Variants in TTN observed in about 807,000 individuals in gnomAD.
The protein encoded by TTN is titin.
A neutral mutation model predicts 3,223.0 loss-of-function variants in TTN; 1,525 were observed. The observed-to-expected ratio is 0.47, with a 90% CI of 0.45 to 0.49. The LOEUF is 0.49. Among genes scored for constraint, TTN ranks in the 20% least tolerant of loss-of-function variants. The pLI, the probability that TTN is intolerant of heterozygous loss-of-function variation, is 0.00. For synonymous variants in TTN, 14,094 were observed against 15,161.0 expected (o/e 0.93, Z 5.17); for missense variants, 40,786 against 43,424.0 (o/e 0.94, Z 5.40).
Position 178,570,531 on chromosome 2 carries a change from C to T in TTN, c.75601G>A (p.Val25201Ile), listed in dbSNP as rs1707800983. 1.2e-6 allele frequency: 2 copies of T among 1,613,180 alleles called. No individual in the cohort carries two copies. The highest frequency in any genetic ancestry group is 1.3e-5 in the African/African-American group (1 of 74,884). ...GERSVTVNVK[V>I]LDRPGPPEGP... is the part of the protein sequence containing the mutation. The stretch of plus-strand genomic sequence containing the variant: ...TCAGGTGGCCCTGGTCTGTCAAGAA[C>T]CTTGACATTCACAGTAACTGATCTT... The change falls in exon 326 of 363, where the codon GTT (valine) becomes ATT (isoleucine). Residue 25201 changes from valine (V) to isoleucine (I), a missense_variant. Transcript: ENST00000589042.
At position 178,547,613 on chromosome 2, in the gene TTN, C is replaced by T; in HGVS notation, c.94013G>A (p.Gly31338Asp). Reference sequence around the variant, plus strand: ...AACTATGTAATTAGTAATTTCAGTGCCTCCTCCATCTTTAGGTTCTCCCCA... The same window carrying T: ...AACTATGTAATTAGTAATTTCAGTGTCTCCTCCATCTTTAGGTTCTCCCCA... ...LSWGEPKDGG[G>D]TEITNYIVEK... The change falls in exon 339 of 363, where the codon GGC (glycine) becomes GAC (aspartate). Residue 31338 changes from glycine to aspartate, a missense_variant. Transcript: ENST00000589042. 3 of 1,613,848 alleles carry T rather than the reference C, an allele frequency of 1.9e-6. No individual in the cohort carries two copies. The South Asian group carries it at 3.3e-5, about 18-fold the overall frequency.
At position 178,580,766 on chromosome 2, in the gene TTN, T is replaced by C. The variant is rs866840755; in HGVS notation, c.66770-157A>G. 38 of 756,660 alleles carry C rather than the reference T, an allele frequency of 5.0e-5. No individual in the cohort carries two copies. In the South Asian group the frequency reaches 7.0e-4, roughly 14 times the overall value. The allele number at this position is 756,660 out of a possible 1,614,324, so 46.9% of individuals were successfully genotyped here. A position where few individuals can be genotyped will look rare whatever the true frequency, so the allele number is the denominator to read the frequency against. On this transcript the variant is annotated intron_variant, in intron 316 of 362. Coordinates refer to ENST00000589042, the MANE Select transcript of TTN (RefSeq NM_001267550.2). The stretch of plus-strand genomic sequence containing the variant: ...ACAATCCTCAAAATCATTTTTCTGT[T>C]CTGTACTAATTGTTGATCTTTCCAT...
rs375808207 is a variant in TTN at position 178,597,750 on chromosome 2, C to G, written c.57332G>C (p.Arg19111Pro). 6.2e-7 allele frequency: 1 copy of G among 1,613,164 alleles called. No individual in the cohort carries two copies. The highest frequency in any genetic ancestry group is 8.5e-7 in the Non-Finnish European group (1 of 1,179,530). Residue 19111 changes from arginine to proline, a missense_variant, in exon 294 of 363, where the codon CGA becomes CCA. Physicochemically the swap from Arg to Pro is moderately radical, Grantham distance 103 (BLOSUM62 -2). Coordinates refer to ENST00000589042, the MANE Select transcript of TTN (RefSeq NM_001267550.2). ...RIVVHAGGVI[R>P]IIAYVSGKPP... Reference sequence around the variant, plus strand: ...CTTTCCAGACACATAGGCAATGATTCGGATCACCCCTCCAGCATGGACAAC... The same window carrying G: ...CTTTCCAGACACATAGGCAATGATTGGGATCACCCCTCCAGCATGGACAAC...
chr2:178,555,229 A>G, intron 330 of TTN, 77 bp from the exon 331 acceptor site: 1 of 1,345,730 alleles, frequency 7.4e-7, no homozygotes, highest in Non-Finnish European at 1.0e-6. Context: ...ACCTTAAAGT[A>G]AGGTCATTGG....
rs1389381134 is a variant in TTN, at chr2:178,575,537, G to A, written c.70595C>T (p.Ala23532Val). The A allele has an allele frequency of 7.4e-6, 12 of 1,613,544 alleles. No homozygotes were observed. The highest frequency in any genetic ancestry group is 1.0e-5 in the Non-Finnish European group (12 of 1,179,656). Residue 23532 changes from alanine to valine, a missense_variant, in exon 326 of 363, where the codon GCA (alanine) becomes GTA (valine). By Grantham distance (64) the Ala-to-Val change is moderately conservative (BLOSUM62 0). Transcript: ENST00000589042. This position sits in a 1 kb window ranked among gnomAD's most constrained non-coding sequence, Gnocchi z 4.0. Reference sequence around the variant, plus strand: ...GTTAAGGCTGTCTGGTGGAGATGGTGCTTCAGAGGCTTTTACGGGCTCTGT... The same window carrying A: ...GTTAAGGCTGTCTGGTGGAGATGGTACTTCAGAGGCTTTTACGGGCTCTGT... ...ETTEPVKASE[A>V]PSPPDSLNIM...
In TTN at chr2:178,539,947, A is replaced by G. The variant is rs72648269; in HGVS notation, c.98118T>C (p.Leu32706=). ...AGATACCTTCTTGGTATCTTTCATC[A>G]AGTTCATAATCAGGATATTCTGGAA... The part of the protein sequence containing the change: ...TEMLEYPDYE[L]DERYQEGIFV... The change falls in exon 352 of 363, where the codon CTT becomes CTC. Residue 32706 remains leucine (L), a synonymous_variant. Transcript: ENST00000589042. 59 of 1,613,404 alleles carry G rather than the reference A, an allele frequency of 3.7e-5. No homozygotes were observed. In the African/African-American group the frequency reaches 7.1e-4, roughly 19 times the overall value.
At chr2:178,580,680 T>A in intron 316 of TTN, 71 bp from the exon 317 acceptor site, 1 of 1,397,334 alleles carries the variant, frequency 7.2e-7, no homozygotes, top group Non-Finnish European at 9.7e-7. Context: ...ACTGGCCTTG[T>A]CACTCCTAAA....
chr2:178,535,124 C>G lies in TTN; in HGVS notation c.101491G>C (p.Gly33831Arg). 6.2e-6 allele frequency: 10 copies of G among 1,613,786 alleles called. No individual in the cohort carries two copies. Among genetic ancestry groups the G allele is most frequent in the Non-Finnish European group, 8.5e-6 (10 of 1,179,834 alleles). The change falls in exon 358 of 363, where the codon GGA becomes CGA. Residue 33831 changes from glycine (G) to arginine (R), a missense_variant. Coordinates refer to ENST00000589042, the MANE Select transcript of TTN (RefSeq NM_001267550.2). ...GTTTCAACACAACGATGGACAATTCCAAACTCACCACGCCCAAGATCTTCA... is the reference window on the plus strand; with the variant it reads ...GTTTCAACACAACGATGGACAATTCGAAACTCACCACGCCCAAGATCTTCA... ...IAEDLGRGEF[G>R]IVHRCVETSS...
intron 49 of TTN, among the ~76,000 whole-genome samples, chr2:178,736,635 G>A (rs1195266841): frequency 6.6e-6 from 1 of 152,122 alleles, no homozygotes; most frequent in Admixed American, 6.6e-5. Context: ...GCATCTTGAA[G>A]CCAGACTTTC....
intron 150 of TTN, 30 bp from the exon 151 acceptor site, chr2:178,674,439 T>TAAAAA: frequency 7.8e-7 from 1 of 1,283,718 alleles, no homozygotes; most frequent in Non-Finnish European, 1.1e-6. Flanking sequence ...TTGTAAATTA[T>TAAAAA]TTTTATAATT....
rs773048437 is a variant in TTN, at chr2:178,776,645, T to C, written c.5219A>G (p.His1740Arg). 18 of 1,614,094 alleles carry C rather than the reference T, an allele frequency of 1.1e-5. No individual in the cohort carries two copies. The South Asian group carries it at 1.6e-4, about 15-fold the overall frequency. ...GDPTMVVEWL[H>R]DGKPLEAANR... ...GGCTGCTTCAAGTGGCTTTCCATCA[T>C]GGAGCCACTCCACCACCATCGTTGG... Residue 1740 changes from histidine to arginine, a missense_variant, in exon 28 of 363, where the codon CAT (histidine) becomes CGT (arginine). Transcript: ENST00000589042.
rs139504522 is a variant in TTN at position 178,764,242 on chromosome 2, G to A, written c.10049C>T (p.Pro3350Leu). 141 of 1,614,082 alleles carry A rather than the reference G, an allele frequency of 8.7e-5. No homozygotes were observed. In the African/African-American group the frequency reaches 1.4e-3, roughly 16 times the overall value. The change falls in exon 43 of 363, where the codon CCG becomes CTG. Residue 3350 changes from proline (P) to leucine (L), a missense_variant. Transcript: ENST00000589042. ...TTCAGAAGTGACAGTGTCCTGAAGC[G>A]GGGTGATGATGGCAGGTGGATAAAC... ...MPVYPPAIIT[P>L]LQDTVTSEGQ...
chr2:178,605,305 G>C lies in TTN; in HGVS notation c.53882-10C>G. On this transcript the variant is annotated splice_polypyrimidine_tract_variant and intron_variant, in intron 279 of 362. Transcript: ENST00000589042. ...TTAATAGTTGGAGGCACTGCAAAGA[G>C]AAGAGAAAGAAAAACAGTAACAAAG... The C allele has an allele frequency of 6.4e-7, 1 of 1,550,586 alleles. No homozygotes were observed. Among genetic ancestry groups the C allele is most frequent in the Non-Finnish European group, 8.7e-7 (1 of 1,151,494 alleles).
intron 265 of TTN, 26 bp downstream of exon 265, chr2:178,612,747 T>C (rs371155353): frequency 7.6e-6 from 12 of 1,581,524 alleles, no homozygotes; most frequent in African/African-American, 1.4e-5. Context: ...AGAATTTATA[T>C]ATCCCAGACA....
intron 327 of TTN, 45 bp downstream of exon 327, chr2:178,558,296 A>T (rs370956666): frequency 6.3e-7 from 1 of 1,592,804 alleles, no homozygotes; most frequent in African/African-American, 1.4e-5. Flanking sequence ...ACATAAATCA[A>T]TGCAAATAAT....
rs759872462 is a variant in TTN at position 178,553,620 on chromosome 2, A to G, written c.89385T>C (p.Tyr29795=). The stretch of plus-strand genomic sequence containing the variant: ...CTCCAGGTTTCAGGTTGGATACCAC[A>G]TATTCTGTAGTTCTGACCTCTCCTT... ...STKGEVRTTE[Y]VVSNLKPGVN... Residue 29795 remains tyrosine, a synonymous_variant, in exon 334 of 363, where the codon TAT becomes TAC. Coordinates refer to ENST00000589042, the MANE Select transcript of TTN (RefSeq NM_001267550.2). The G allele has an allele frequency of 6.2e-7, 1 of 1,613,868 alleles. No homozygotes were observed. The highest frequency in any genetic ancestry group is 1.1e-5 in the South Asian group (1 of 91,082).
At chr2:178,767,691 T>C in intron 40 of TTN, 68 bp downstream of exon 40, 1 of 1,592,688 alleles carries the variant, frequency 6.3e-7, no homozygotes, top group Non-Finnish European at 8.6e-7. Context: ...AAGGGAAACA[T>C]TAAAATATAA....
rs1191447167 is a variant in TTN at position 178,717,723 on chromosome 2, T to C, written c.25151A>G (p.Asn8384Ser). The change falls in exon 87 of 363, where the codon AAT becomes AGT. Residue 8384 changes from asparagine to serine, a missense_variant. Coordinates refer to ENST00000589042, the MANE Select transcript of TTN (RefSeq NM_001267550.2). ...AGACACTTGAAGAGGTTCTGAGCCA[T>C]TGATGCGGCATTCAAATGCAACTGG... ...GFPVAFECRI[N>S]GSEPLQVSWY... 2 of 1,613,380 alleles carry C rather than the reference T, an allele frequency of 1.2e-6. No homozygotes were observed. The highest frequency in any genetic ancestry group is 2.2e-5 in the East Asian group (1 of 44,852).
At chr2:178,623,716 G>A (rs553165176) in intron 242 of TTN, among the ~76,000 whole-genome samples, 1 of 151,876 alleles carries the variant, frequency 6.6e-6, no homozygotes, top group African/African-American at 2.4e-5. Context: ...TGACAGATGG[G>A]AAGCAACCAA....
Sources: allele counts gnomAD v4.1 joint callset (sites outside exome capture counted in the v4.1 genomes callset), GRCh38; gene constraint gnomAD v4.1.1; non-coding constraint Gnocchi (gnomAD v3.1); transcripts MANE v1.5; gene names NCBI Gene and HGNC (gene_info 2026-07-23, HGNC 2026-07-21).